ABLIM2: variants seen among roughly 807,000 people sequenced by gnomAD.
ABLIM2 encodes the protein actin binding LIM protein family member 2.
In ABLIM2, 53 loss-of-function variants were observed where a neutral mutation model predicts 97.7. That is an observed-to-expected ratio of 0.54 (90% CI 0.44 to 0.68). ABLIM2 has a LOEUF of 0.68. Among genes scored for constraint, ABLIM2 ranks in the 30% least tolerant of loss-of-function variants. The pLI is 0.00. For missense variants in ABLIM2, 835 were observed against 867.2 expected, an observed-to-expected ratio of 0.96 and a Z score of 0.47; for synonymous variants, 361 against 345.8, an observed-to-expected ratio of 1.04 and a Z score of -0.49.
In ABLIM2 at chr4:8,021,318, T is replaced by A. The variant is rs1195500291; in HGVS notation, c.1268-1015A>T. ...GCCGAGGTGACCTGGGTGACGCCCC[T>A]CCCCCCACACCTGTTTGGGGAATGA... On this transcript the variant is annotated intron_variant, in intron 12 of 20. Coordinates refer to ENST00000447017, the MANE Select transcript of ABLIM2 (RefSeq NM_001130083.2). This position sits in a 1 kb window ranked among gnomAD's most constrained non-coding sequence, Gnocchi z 5.5. Among the ~76,000 whole-genome samples the A allele has an allele frequency of 6.6e-6, 1 of 151,896 alleles. No homozygotes were observed. The highest frequency in any genetic ancestry group is 1.5e-5 in the Non-Finnish European group (1 of 67,976).
At chr4:8,028,041 C>G (rs925221692) in intron 11 of ABLIM2, among the ~76,000 whole-genome samples, 184 bp from the exon 12 acceptor site, 2 of 152,256 alleles carry the variant, frequency 1.3e-5, no homozygotes, top group Non-Finnish European at 2.9e-5. Flanking sequence ...AGCGAGGAAA[C>G]CGGACCTCAG....
rs369641091 is a variant in ABLIM2, at chr4:8,019,614, G to A, written c.1423+4C>T. ...CCACAGCAGCGGGAGGAATCCAACC[G>A]TACCATGCTGTCTGTAGATAGGGGG... On this transcript the variant is annotated splice_donor_region_variant and intron_variant, in intron 14 of 20. Coordinates refer to ENST00000447017, the MANE Select transcript of ABLIM2 (RefSeq NM_001130083.2). The surrounding 1 kb of genome is among the most constrained non-coding windows in gnomAD (Gnocchi z 4.3). The A allele has an allele frequency of 2.7e-5, 43 of 1,610,264 alleles. No individual in the cohort carries two copies. Among genetic ancestry groups the A allele is most frequent in the African/African-American group, 4.0e-5 (3 of 74,642 alleles).
intron 16 of ABLIM2, among the ~76,000 whole-genome samples, chr4:7,994,668 C>T (rs796138070): frequency 2.0e-5 from 2 of 100,560 alleles, no homozygotes; most frequent in African/African-American, 3.0e-5. Flanking sequence ...CCTGAGGAAT[C>T]GCCACACTGA....
At chr4:8,053,484 A>C (rs1797260888) in intron 8 of ABLIM2, among the ~76,000 whole-genome samples, 1 of 152,054 alleles carries the variant, frequency 6.6e-6, no homozygotes, top group South Asian at 2.1e-4. Flanking sequence ...ATTAACTGAG[A>C]CCTGTCTGGG....
In ABLIM2 at chr4:8,058,131, G is replaced by A. The variant is rs190987978; in HGVS notation, c.763+2836C>T. Among the ~76,000 whole-genome samples, 6 of 152,332 alleles carry A rather than the reference G, an allele frequency of 3.9e-5. No homozygotes were observed. Among genetic ancestry groups the A allele is most frequent in the African/African-American group, 1.4e-4 (6 of 41,582 alleles). ...ACCCTTGATGTGAACTCGTGTCCCC[G>A]AGCTGCTGTCCCAAGGCCATTGTGC... On this transcript the variant is annotated intron_variant, in intron 7 of 20. Coordinates refer to ENST00000447017, the MANE Select transcript of ABLIM2 (RefSeq NM_001130083.2). The surrounding 1 kb of genome is among the most constrained non-coding windows in gnomAD (Gnocchi z 4.2).
intron 14 of ABLIM2, among the ~76,000 whole-genome samples, chr4:8,014,528 C>T (rs1330290697): frequency 6.6e-6 from 1 of 152,184 alleles, no homozygotes. Flanking sequence ...GCAGGGCCCA[C>T]AGCATGGGCG....
Position 7,998,349 on chromosome 4 carries a change from C to T in ABLIM2, c.1619-5422G>A, listed in dbSNP as rs980813345. Among the ~76,000 whole-genome samples, 5 of 152,142 alleles carry T rather than the reference C, an allele frequency of 3.3e-5. No individual in the cohort carries two copies. Among genetic ancestry groups the T allele is most frequent in the African/African-American group, 1.2e-4 (5 of 41,444 alleles). On this transcript the variant is annotated intron_variant, in intron 16 of 20. Coordinates refer to ENST00000447017, the MANE Select transcript of ABLIM2 (RefSeq NM_001130083.2). The surrounding 1 kb of genome is among the most constrained non-coding windows in gnomAD (Gnocchi z 6.4). ...AGGCTGTCACCCTGTTTAGGTTTCG[C>T]GTGTACAGCCTGTTCTTTTGGAGGC...
At chr4:8,077,570 C>A (rs1479544045) in intron 6 of ABLIM2, 58 bp downstream of exon 6, 1 of 1,472,096 alleles carries the variant, frequency 6.8e-7, no homozygotes, top group Middle Eastern at 1.7e-4. Context: ...AGTCAACTCC[C>A]AGGGGGGCAG....
chr4:8,091,372 C>T (rs1175458760), intron 3 of ABLIM2, among the ~76,000 whole-genome samples: 35 of 37,264 alleles, frequency 9.4e-4, no homozygotes, highest in East Asian at 1.5e-3. Flanking sequence ...TATTATATTA[C>T]ATATAATTAT....
At chr4:8,100,564 T>C (rs192853546) in intron 2 of ABLIM2, among the ~76,000 whole-genome samples, 16 of 152,072 alleles carry the variant, frequency 1.1e-4, no homozygotes, top group African/African-American at 2.9e-4. Context: ...CTGACCAACA[T>C]GGAGGAACCT....
intron 20 of ABLIM2, among the ~76,000 whole-genome samples, chr4:7,974,872 G>A (rs1731718795): frequency 6.6e-6 from 1 of 152,176 alleles, no homozygotes; most frequent in African/African-American, 2.4e-5. Flanking sequence ...CCTATCTAAG[G>A]AGCAATATGC....
At chr4:8,142,263 C>T (rs966608812) in intron 1 of ABLIM2, among the ~76,000 whole-genome samples, 1 of 152,200 alleles carries the variant, frequency 6.6e-6, no homozygotes, top group African/African-American at 2.4e-5. Flanking sequence ...ACCCCCACTG[C>T]TGTAACTGCC....
intron 7 of ABLIM2, among the ~76,000 whole-genome samples, chr4:8,060,679 T>C (rs1346046251): frequency 6.6e-6 from 1 of 152,220 alleles, no homozygotes; most frequent in Non-Finnish European, 1.5e-5. Context: ...TAAGCTTTGC[T>C]ACTTGGAGCC....
chr4:8,037,585 A>G (rs1785386479), intron 9 of ABLIM2, among the ~76,000 whole-genome samples: 1 of 151,972 alleles, frequency 6.6e-6, no homozygotes, highest in South Asian at 2.1e-4. Context: ...ACACACCTGC[A>G]CACCCAGATT....
chr4:7,989,959 C>A (rs573367296), intron 17 of ABLIM2, among the ~76,000 whole-genome samples: 4 of 152,232 alleles, frequency 2.6e-5, no homozygotes, highest in Non-Finnish European at 4.4e-5. Flanking sequence ...TACCATGCAT[C>A]AGGCACTGTG....
Position 8,148,973 on chromosome 4 carries a change from G to A in ABLIM2, c.10+9707C>T, listed in dbSNP as rs1711600749. Among the ~76,000 whole-genome samples the A allele has an allele frequency of 6.6e-6, 1 of 152,214 alleles. No individual in the cohort carries two copies. Reference sequence around the variant, plus strand: ...GAGAGTCCAGCTGTGCCAAGGCCCAGGGTCCCCAGACACTACGGAGAGTCA... The same window carrying A: ...GAGAGTCCAGCTGTGCCAAGGCCCAAGGTCCCCAGACACTACGGAGAGTCA... On this transcript the variant is annotated intron_variant, in intron 1 of 20. Coordinates refer to ENST00000447017, the MANE Select transcript of ABLIM2 (RefSeq NM_001130083.2). This position sits in a 1 kb window ranked among gnomAD's most constrained non-coding sequence, Gnocchi z 6.7.
chr4:8,131,086 C>T (rs889201675), intron 1 of ABLIM2, among the ~76,000 whole-genome samples: 2 of 152,190 alleles, frequency 1.3e-5, no homozygotes, highest in African/African-American at 2.4e-5. Context: ...TGAGGGCCCA[C>T]TCAGATCATC....
At chr4:8,116,998 G>T (rs193002764) in intron 1 of ABLIM2, among the ~76,000 whole-genome samples, 1 of 152,280 alleles carries the variant, frequency 6.6e-6, no homozygotes, top group African/African-American at 2.4e-5. Flanking sequence ...CAGTGGCGAC[G>T]CCTGGTCTCC....
At position 8,046,506 on chromosome 4, in the gene ABLIM2, C is replaced by G. The variant is rs577652572; in HGVS notation, c.823-1265G>C. Among the ~76,000 whole-genome samples, 1 of 152,186 alleles carries G rather than the reference C, an allele frequency of 6.6e-6. No individual in the cohort carries two copies. The highest frequency in any genetic ancestry group is 1.5e-5 in the Non-Finnish European group (1 of 68,032). ...AAGAGCTCAGCCCTCACTCTCCCCA[C>G]GGCCCCCACGTCCTCTGCTGCTTCG... On this transcript the variant is annotated intron_variant, in intron 8 of 20. Transcript: ENST00000447017. This position sits in a 1 kb window ranked among gnomAD's most constrained non-coding sequence, Gnocchi z 4.4.
Sources: gnomAD v4.1 joint callset for allele counts (sites outside exome capture counted in the v4.1 genomes callset) on GRCh38, gnomAD v4.1.1 for gene constraint, Gnocchi (gnomAD v3.1) non-coding constraint, MANE v1.5 for transcripts, NCBI Gene and HGNC (gene_info 2026-07-23, HGNC 2026-07-21) for gene names.